ITGA7: variants seen among roughly 807,000 people sequenced by gnomAD.
ITGA7 encodes integrin subunit alpha 7, also known as integrin alpha-7.
A neutral mutation model predicts 131.6 loss-of-function variants in ITGA7; 84 were observed. The observed-to-expected ratio is 0.64, with a 90% CI of 0.54 to 0.77. The LOEUF (loss-of-function observed/expected upper bound fraction) is 0.77. Among genes scored for constraint, ITGA7 ranks in the 30% least tolerant of loss-of-function variants. The pLI, the probability that ITGA7 is intolerant of heterozygous loss-of-function variation, is 0.00. For missense variants in ITGA7, 1,399 were observed against 1,482.9 expected (o/e 0.94, Z 0.93); for synonymous variants, 548 against 600.7 (o/e 0.91, Z 1.28).
rs1224333192 is a variant in ITGA7, at chr12:55,699,930, A to G, written c.730T>C (p.Leu244=). The change falls in exon 5 of 25, where the codon TTG becomes CTG. Residue 244 remains leucine (L), a synonymous_variant. Transcript: ENST00000257879. Reference sequence around the variant, plus strand: ...CCTGGGAGCCGGTCAGCAGGGTCCAAAGTTTTATACACCAGCTGGTCGGGG... The same window carrying G: ...CCTGGGAGCCGGTCAGCAGGGTCCAGAGTTTTATACACCAGCTGGTCGGGG... ...SDPDQLVYKT[L]DPADRLPGPA... is the part of the protein sequence containing the mutation. 3 of 1,614,062 alleles carry G rather than the reference A, an allele frequency of 1.9e-6. No homozygotes were observed. The highest frequency in any genetic ancestry group is 2.5e-6 in the Non-Finnish European group (3 of 1,180,014).
chr12:55,701,054 A>C lies in ITGA7; in HGVS notation c.515T>G (p.Ile172Ser). The C allele has an allele frequency of 6.2e-7, 1 of 1,614,174 alleles. No homozygotes were observed. Among genetic ancestry groups the C allele is most frequent in the South Asian group, 1.1e-5 (1 of 91,084 alleles). Residue 172 changes from isoleucine to serine, a missense_variant, in exon 4 of 25, where the codon ATC (isoleucine) becomes AGC (serine). Transcript: ENST00000257879. ...TTCCCCACCATCCAACTCATCCCGG[A>C]TGGCCAGGTCCTGGCTGAGCACAAA... ...RCFVLSQDLA[I>S]RDELDGGEWK...
At position 55,694,803 on chromosome 12, in the gene ITGA7, G is replaced by A; in HGVS notation, c.2171C>T (p.Ser724Leu). The change falls in exon 15 of 25, where the codon TCA (serine) becomes TTA (leucine). Residue 724 changes from serine (S) to leucine (L), a missense_variant. Transcript: ENST00000257879. This position sits in a 1 kb window ranked among gnomAD's most constrained non-coding sequence, Gnocchi z 5.3. ...CGCAGGGTCCAGGGCCCGGACCCCTGAGTAGTGCAGTGAGTCAGGAAGCAT... is the reference window on the plus strand; with the variant it reads ...CGCAGGGTCCAGGGCCCGGACCCCTAAGTAGTGCAGTGAGTCAGGAAGCAT... ...LVMLPDSLHY[S>L]GVRALDPAEK... The A allele has an allele frequency of 6.2e-7, 1 of 1,613,876 alleles. No individual in the cohort carries two copies.
chr12:55,696,819 GA>G, intron 12 of ITGA7, 79 bp downstream of exon 12: 1 of 1,542,074 alleles, frequency 6.5e-7, no homozygotes, highest in Non-Finnish European at 8.9e-7. Flanking sequence ...GTGTGCTCGG[GA>G]AAAAGCAGCT....
Position 55,695,287 on chromosome 12 carries a change from G to A in ITGA7, c.2003+235C>T, listed in dbSNP as rs183123020. On this transcript the variant is annotated intron_variant, in intron 14 of 24. Transcript: ENST00000257879. The stretch of plus-strand genomic sequence containing the variant: ...TTGAAGACTAACCAATGAGATGTAT[G>A]TAGACTGCATATTATTAGTGTACTG... The A allele has an allele frequency of 1.2e-4, 70 of 600,798 alleles. 1 individual carries two copies. In the Middle Eastern group the frequency reaches 1.8e-3, roughly 15 times the overall value. 37.2% of individuals were successfully genotyped at this position (600,798 alleles called of 1,614,324 possible).
intron 1 of ITGA7, among the ~76,000 whole-genome samples, chr12:55,703,968 C>A (rs948702794): frequency 6.6e-6 from 1 of 152,220 alleles, no homozygotes; most frequent in Non-Finnish European, 1.5e-5. Context: ...CTACAACTTT[C>A]TTGGCAGGAC....
chr12:55,700,041 A>G (rs1873619824), intron 4 of ITGA7, 52 bp from the exon 5 acceptor site: 1 of 1,604,242 alleles, frequency 6.2e-7, no homozygotes, highest in African/African-American at 1.3e-5. Flanking sequence ...AGTAGGGGCC[A>G]CAGAGTAGGG....
chr12:55,712,351 C>A, upstream of ITGA7: 1 of 943,602 alleles, frequency 1.1e-6, no homozygotes, highest in Non-Finnish European at 1.7e-6. Flanking sequence ...CCACCAACCC[C>A]CTCTCTTGAA....
chr12:55,699,496 A>C, intron 5 of ITGA7: 1 of 322,252 alleles, frequency 3.1e-6, no homozygotes. Flanking sequence ...AGATGAGACA[A>C]CGAGAGGGAC....
Position 55,698,625 on chromosome 12 carries a change from G to T in ITGA7, c.999-49C>A, listed in dbSNP as rs759604981. On this transcript the variant is annotated intron_variant, in intron 6 of 24. Coordinates refer to ENST00000257879, the MANE Select transcript of ITGA7 (RefSeq NM_002206.3). ...GTGTGGGTCCTCCCTGGCCAGAGGA[G>T]CCAGCAGGAGGCTAAGTGGCCTCAG... The T allele has an allele frequency of 5.6e-6, 9 of 1,612,214 alleles. No individual in the cohort carries two copies. In the Admixed American group the frequency reaches 1.5e-4, roughly 27 times the overall value.
At chr12:55,704,093 G>A (rs1040776828) in intron 1 of ITGA7, among the ~76,000 whole-genome samples, 5 of 152,210 alleles carry the variant, frequency 3.3e-5, no homozygotes, top group Non-Finnish European at 7.3e-5. Flanking sequence ...GCGGGGGTGA[G>A]GTAAGATGAC....
At position 55,701,006 on chromosome 12, in the gene ITGA7, G is replaced by A. The variant is rs367561843; in HGVS notation, c.563C>T (p.Pro188Leu). The stretch of plus-strand genomic sequence containing the variant: ...GAACCCAAATTGTTCATGGCCTTGG[G>A]GGCGTCCCTCACAGAACTTCCATTC... Reference protein sequence around the residue: ...GGEWKFCEGRPQGHEQFGFCQ... With the variant: ...GGEWKFCEGRLQGHEQFGFCQ... The change falls in exon 4 of 25, where the codon CCC becomes CTC. Residue 188 changes from proline to leucine, a missense_variant. Transcript: ENST00000257879. 6.8e-6 allele frequency: 11 copies of A among 1,614,226 alleles called. No individual in the cohort carries two copies. Among genetic ancestry groups the A allele is most frequent in the Middle Eastern group, 3.3e-4 (2 of 6,062 alleles).
chr12:55,705,403 G>C (rs145057268), intron 1 of ITGA7, among the ~76,000 whole-genome samples: 3 of 152,134 alleles, frequency 2.0e-5, no homozygotes, highest in Non-Finnish European at 4.4e-5. Context: ...TTGGCAGCTG[G>C]GGGGCAGAGG....
chr12:55,708,965 C>T (rs1592501794), upstream of ITGA7, among the ~76,000 whole-genome samples: 4 of 152,240 alleles, frequency 2.6e-5, no homozygotes, highest in East Asian at 5.8e-4. Context: ...TTTATAACTC[C>T]GATACAGAAA....
chr12:55,692,286 A>G (rs1344197334), intron 21 of ITGA7, among the ~76,000 whole-genome samples: 1 of 152,114 alleles, frequency 6.6e-6, no homozygotes, highest in Non-Finnish European at 1.5e-5. Flanking sequence ...GTGTGGTGGC[A>G]TGCACCTGTA....
intron 1 of ITGA7, among the ~76,000 whole-genome samples, chr12:55,705,083 A>G (rs1277883482): frequency 6.6e-6 from 1 of 152,192 alleles, no homozygotes; most frequent in Non-Finnish European, 1.5e-5. Context: ...CTAAGCACCC[A>G]GATAAGTTAT....
At chr12:55,691,415 C>T (rs1285103641) in intron 21 of ITGA7, among the ~76,000 whole-genome samples, 1 of 152,056 alleles carries the variant, frequency 6.6e-6, no homozygotes, top group Admixed American at 6.5e-5. Context: ...TAATGCACAA[C>T]ATGGGGACTG....
rs1260763951 is a variant in ITGA7, at chr12:55,684,916, G to A, written c.*142C>T. The A allele has an allele frequency of 2.1e-5, 14 of 666,954 alleles. No individual in the cohort carries two copies. The highest frequency in any genetic ancestry group is 3.3e-5 in the Non-Finnish European group (13 of 398,010). 41.3% of individuals were successfully genotyped at this position (666,954 alleles called of 1,614,324 possible). ...TGGGTGGGAGGAGTTCTTGTGGGTGGGAGAGGTCTGTGCCCCTGAGGAAGC... is the reference window on the plus strand; with the variant it reads ...TGGGTGGGAGGAGTTCTTGTGGGTGAGAGAGGTCTGTGCCCCTGAGGAAGC... On this transcript the variant is annotated 3_prime_UTR_variant, in exon 25 of 25. Coordinates refer to ENST00000257879, the MANE Select transcript of ITGA7 (RefSeq NM_002206.3).
At chr12:55,691,174 C>T (rs963484078) in intron 21 of ITGA7, among the ~76,000 whole-genome samples, 3 of 151,770 alleles carry the variant, frequency 2.0e-5, no homozygotes. Context: ...AAAAAAGAAT[C>T]TACTTTAGAC....
chr12:55,716,038 A>C (rs771729952), upstream of ITGA7: 18 of 1,543,930 alleles, frequency 1.2e-5, no homozygotes, highest in African/African-American at 4.1e-5. Flanking sequence ...CACGTGACAC[A>C]GCGGTCACGT....
Sources: allele counts gnomAD v4.1 joint callset (sites outside exome capture counted in the v4.1 genomes callset), GRCh38; gene constraint gnomAD v4.1.1; non-coding constraint Gnocchi (gnomAD v3.1); transcripts MANE v1.5; gene names NCBI Gene and HGNC (gene_info 2026-07-23, HGNC 2026-07-21).